SIRPB2: variants seen among roughly 807,000 people sequenced by gnomAD.
The protein encoded by SIRPB2 is signal-regulatory protein beta-2.
SIRPB2 carries 18 observed loss-of-function variants against 27.1 expected under a neutral mutation model. The ratio of observed to expected loss-of-function variants is 0.66; its 90% CI spans 0.46 to 0.98. The LOEUF is 0.98. Among genes scored for constraint, SIRPB2 ranks in the 50% least tolerant of loss-of-function variants. SIRPB2 has a pLI of 0.00. For missense variants in SIRPB2, 420 were observed against 417.4 expected (o/e 1.01, Z -0.06); for synonymous variants, 150 against 164.6 (o/e 0.91, Z 0.68).
In SIRPB2 at chr20:1,479,915, T is replaced by C. The variant is rs2090651437; in HGVS notation, c.236A>G (p.Gln79Arg). 1 of 1,614,234 alleles carries C rather than the reference T, an allele frequency of 6.2e-7. No homozygotes were observed. The highest frequency in any genetic ancestry group is 1.3e-5 in the African/African-American group (1 of 75,050). The change falls in exon 2 of 5, where the codon CAG becomes CGG. Residue 79 changes from glutamine to arginine, a missense_variant. Gln to Arg is a conservative substitution (Grantham distance 43). Transcript: ENST00000359801. ...GMIKWVKVST[Q>R]DQQEIYNFKR... ...AAAGTTATAAATTTCCTGTTGGTCC[T>C]GAGTGCTCACCTTCACCCATTTTAT... is the stretch of plus-strand genomic sequence containing the variant.
At chr20:1,479,644 A>C in intron 2 of SIRPB2, 56 bp downstream of exon 2, 2 of 1,588,466 alleles carry the variant, frequency 1.3e-6, no homozygotes, top group Non-Finnish European at 1.7e-6. Flanking sequence ...GATAAAGGTG[A>C]CTGTGCAGGG....
At chr20:1,484,010 C>T (rs569008882) in intron 1 of SIRPB2, among the ~76,000 whole-genome samples, 2 of 152,154 alleles carry the variant, frequency 1.3e-5, no homozygotes, top group South Asian at 2.1e-4. Context: ...ATACATAGAC[C>T]AATGGTATAA....
downstream of SIRPB2, among the ~76,000 whole-genome samples, chr20:1,472,051 T>G (rs1439078116): frequency 1.3e-5 from 2 of 152,180 alleles, no homozygotes; most frequent in African/African-American, 4.8e-5. Flanking sequence ...TTCAGGGATC[T>G]TGGAGTGTAG....
chr20:1,491,242 G>C (rs762092725), intron 1 of SIRPB2, 33 bp downstream of exon 1: 2 of 1,586,942 alleles, frequency 1.3e-6, no homozygotes, highest in Non-Finnish European at 1.7e-6. Context: ...ACCAGCCGGG[G>C]GTGGACCCTG....
chr20:1,477,177 C>G lies in SIRPB2; in HGVS notation c.859+161G>C. 3.1e-6 allele frequency: 5 copies of G among 1,595,348 alleles called. 1 individual carries two copies. The South Asian group carries it at 4.5e-5, about 14-fold the overall frequency. ...ATAGCTGAGCTGTTATAACATGGTT[C>G]TCTGGGGTCCTAGTTCTGCAGTTGA... On this transcript the variant is annotated intron_variant, in intron 4 of 4. Transcript: ENST00000359801.
chr20:1,483,027 A>G (rs1411149324), intron 1 of SIRPB2, among the ~76,000 whole-genome samples: 3 of 152,000 alleles, frequency 2.0e-5, no homozygotes, highest in African/African-American at 7.3e-5. Context: ...AGAAATCTCC[A>G]TACTGTTTTC....
At chr20:1,470,927 G>T (rs12481007), downstream of SIRPB2, 1 of 152,068 alleles carries the variant, frequency 6.6e-6, no homozygotes, top group Non-Finnish European at 1.5e-5. Context: ...CTGCTGGCTC[G>T]TTCTTTCAGA....
rs2090629844 is a variant in SIRPB2 at position 1,478,345 on chromosome 20, G to T, written c.714C>A (p.Gly238=). 1 of 1,614,194 alleles carries T rather than the reference G, an allele frequency of 6.2e-7. No individual in the cohort carries two copies. Among genetic ancestry groups the T allele is most frequent in the Admixed American group, 1.7e-5 (1 of 60,030 alleles). ...LLQNVSSEDA[G]TYYCVKFQRK... ...TCTGAAACTTTACACAGTAATAGGT[G>T]CCTGCATCCTCACTGGAGACGTTTT... Residue 238 remains glycine, a synonymous_variant, in exon 3 of 5, where the codon GGC becomes GGA. Transcript: ENST00000359801.
In SIRPB2 at chr20:1,479,886, G is replaced by A. The variant is rs145754303; in HGVS notation, c.265C>T (p.Arg89Cys). ...GGCATTACCCCAGGGAAGGAGCCAC[G>A]TTTAAAGTTATAAATTTCCTGTTGG... The part of the protein sequence containing the change: ...QDQQEIYNFK[R>C]GSFPGVMPMI... Residue 89 changes from arginine to cysteine, a missense_variant, in exon 2 of 5, where the codon CGT (arginine) becomes TGT (cysteine). Physicochemically the swap from Arg to Cys is radical, Grantham distance 180. Transcript: ENST00000359801. 7.7e-5 allele frequency: 124 copies of A among 1,614,098 alleles called. No homozygotes were observed. In the African/African-American group the frequency reaches 1.1e-3, roughly 14 times the overall value.
chr20:1,474,042 A>T (rs2090590629), downstream of SIRPB2, among the ~76,000 whole-genome samples: 1 of 152,064 alleles, frequency 6.6e-6, no homozygotes, highest in Non-Finnish European at 1.5e-5. Context: ...GTGGTCACAT[A>T]GCTCCAAACT....
downstream of SIRPB2, among the ~76,000 whole-genome samples, chr20:1,474,371 C>T (rs1276300877): frequency 6.6e-6 from 1 of 152,166 alleles, no homozygotes; most frequent in African/African-American, 2.4e-5. Context: ...ATTCCATTCT[C>T]AGACTAAATT....
chr20:1,487,332 G>A (rs2090736288), intron 1 of SIRPB2, among the ~76,000 whole-genome samples: 1 of 152,158 alleles, frequency 6.6e-6, no homozygotes, highest in African/African-American at 2.4e-5. Flanking sequence ...GGTACACACT[G>A]TTCATATGTT....
In SIRPB2 at chr20:1,476,115, G is replaced by A; in HGVS notation, c.*52C>T. On this transcript the variant is annotated 3_prime_UTR_variant, in exon 5 of 5. Transcript: ENST00000359801. The stretch of plus-strand genomic sequence containing the variant: ...GGACTGGAGGTAGGGAAATGGTTGA[G>A]GAGCCCTGGCTCCTCTCCAACTCAG... 1 of 1,588,904 alleles carries A rather than the reference G, an allele frequency of 6.3e-7. No homozygotes were observed. The highest frequency in any genetic ancestry group is 8.5e-7 in the Non-Finnish European group (1 of 1,171,128).
intron 1 of SIRPB2, chr20:1,480,275 A>C: frequency 1.7e-6 from 1 of 601,118 alleles, no homozygotes; most frequent in Non-Finnish European, 2.8e-6. Flanking sequence ...CAAACAATAA[A>C]TAACACTCAA....
intron 1 of SIRPB2, among the ~76,000 whole-genome samples, chr20:1,489,211 A>T (rs1184244620): frequency 6.6e-6 from 1 of 152,346 alleles, no homozygotes; most frequent in East Asian, 1.9e-4. Context: ...AGTGGCAAGG[A>T]CGAATCACAA....
intron 1 of SIRPB2, among the ~76,000 whole-genome samples, chr20:1,487,972 G>A (rs774219982): frequency 6.6e-6 from 1 of 152,116 alleles, no homozygotes; most frequent in Non-Finnish European, 1.5e-5. Context: ...AACATAAAAT[G>A]TTAAACGATA....
At chr20:1,478,001 T>G (rs1370762606) in intron 3 of SIRPB2, 1 of 605,672 alleles carries the variant, frequency 1.7e-6, no homozygotes, top group Admixed American at 2.1e-5. Flanking sequence ...TAATGATCTA[T>G]ACAGAGTTCT....
Position 1,478,278 on chromosome 20 carries a change from G to C in SIRPB2, c.781C>G (p.Leu261Val). The C allele has an allele frequency of 1.2e-6, 2 of 1,610,944 alleles. No homozygotes were observed. Among genetic ancestry groups the C allele is most frequent in the Non-Finnish European group, 1.7e-6 (2 of 1,177,456 alleles). ...RQYLSGQGTSLKVKAKSTSSK... is the reference protein window; with the variant it reads ...RQYLSGQGTSVKVKAKSTSSK... ...CCAATTGTCTCACCTTTCACTTTCA[G>C]GCTGGTGCCCTGTCCAGACAGGTAT... Residue 261 changes from leucine (L) to valine (V), a missense_variant, in exon 3 of 5, where the codon CTG (leucine) becomes GTG (valine). Coordinates refer to ENST00000359801, the MANE Select transcript of SIRPB2 (RefSeq NM_001122962.2).
rs757807134 is a variant in SIRPB2 at position 1,479,761 on chromosome 20, A to C, written c.390T>G (p.Phe130Leu). 4.3e-6 allele frequency: 7 copies of C among 1,614,092 alleles called. No homozygotes were observed. The South Asian group carries it at 4.4e-5, about 10-fold the overall frequency. The change falls in exon 2 of 5, where the codon TTT (phenylalanine) becomes TTG (leucine). Residue 130 changes from phenylalanine (F) to leucine (L), a missense_variant. Phe to Leu is a conservative substitution (Grantham distance 22). Transcript: ENST00000359801. Reference sequence around the variant, plus strand: ...TTTCTGAGTGTTCACTCAAACCATCAAACCTCACACAGTGGTAGGTTCCAG... The same window carrying C: ...TTTCTGAGTGTTCACTCAAACCATCCAACCTCACACAGTGGTAGGTTCCAG... ...EHTGTYHCVR[F>L]DGLSEHSEMK...
Sources: allele counts gnomAD v4.1 joint callset (sites outside exome capture counted in the v4.1 genomes callset), GRCh38; gene constraint gnomAD v4.1.1; transcripts MANE v1.5; gene names NCBI Gene and HGNC (gene_info 2026-07-23, HGNC 2026-07-21).